TMEM150C: variants seen among roughly 807,000 people sequenced by gnomAD.
The protein encoded by TMEM150C is tentonin 3.
In TMEM150C, 10 loss-of-function variants were observed where a neutral mutation model predicts 29.9. That is an observed-to-expected ratio of 0.33 (90% CI 0.21 to 0.57). The LOEUF is 0.57. Ranked by LOEUF, TMEM150C falls within the 20% of genes least tolerant of loss-of-function variation. TMEM150C has a pLI of 0.88. For synonymous variants in TMEM150C, 101 were observed against 112.5 expected, an observed-to-expected ratio of 0.90 and a Z score of 0.64; for missense variants, 251 against 303.6, an observed-to-expected ratio of 0.83 and a Z score of 1.29.
chr4:82,517,661 G>C (rs1225296190), intron 1 of TMEM150C, among the ~76,000 whole-genome samples: 1 of 152,082 alleles, frequency 6.6e-6, no homozygotes, highest in African/African-American at 2.4e-5. Flanking sequence ...CTTCAGCTTC[G>C]GACTGAGAGT....
chr4:82,538,049 C>G (rs1725070548), intron 1 of TMEM150C, among the ~76,000 whole-genome samples: 1 of 152,172 alleles, frequency 6.6e-6, no homozygotes, highest in Non-Finnish European at 1.5e-5. Context: ...ATGTTCATCT[C>G]TGCATTATTT....
At chr4:82,498,786 TTATC>T (rs1723638547) in intron 5 of TMEM150C, among the ~76,000 whole-genome samples, 1 of 152,200 alleles carries the variant, frequency 6.6e-6, no homozygotes, top group Non-Finnish European at 1.5e-5. Context: ...GCTCTCTTCA[TTATC>T]TATTTCTGTC....
chr4:82,524,055 G>C (rs1321472926), intron 1 of TMEM150C, among the ~76,000 whole-genome samples: 1 of 148,488 alleles, frequency 6.7e-6, no homozygotes, highest in Non-Finnish European at 1.5e-5. Context: ...TCAGGAGATT[G>C]AGACCATCCT....
intron 1 of TMEM150C, among the ~76,000 whole-genome samples, chr4:82,521,238 A>G (rs571145798): frequency 1.4e-4 from 21 of 152,170 alleles, no homozygotes; most frequent in Non-Finnish European, 2.2e-4. Context: ...TTTTAATCCC[A>G]GACTTTCTTC....
intron 1 of TMEM150C, among the ~76,000 whole-genome samples, chr4:82,506,503 A>G (rs766451371): frequency 4.6e-5 from 7 of 152,238 alleles, no homozygotes; most frequent in Non-Finnish European, 8.8e-5. Context: ...ATTTGCAACT[A>G]ATCTAATCCA....
intron 1 of TMEM150C, among the ~76,000 whole-genome samples, chr4:82,513,590 C>G (rs1466646681): frequency 6.6e-6 from 1 of 151,912 alleles, no homozygotes; most frequent in Admixed American, 6.5e-5. Context: ...GTCACCTGAC[C>G]TAACTTGAAA....
intron 1 of TMEM150C, among the ~76,000 whole-genome samples, chr4:82,511,472 A>ATTTT (rs397935719): frequency 0.057 from 6,083 of 106,152 alleles, 349 homozygotes; most frequent in East Asian, 0.092. Context: ...TCCCAACACT[A>ATTTT]TTTTTTTTTT....
intron 1 of TMEM150C, among the ~76,000 whole-genome samples, chr4:82,559,998 C>A (rs1725869195): frequency 6.6e-6 from 1 of 152,184 alleles, no homozygotes; most frequent in African/African-American, 2.4e-5. Flanking sequence ...AGCAAAGGGC[C>A]TTCTCTCTTG....
intron 6 of TMEM150C, chr4:82,494,854 C>T: frequency 2.5e-6 from 1 of 403,858 alleles, no homozygotes; most frequent in Non-Finnish European, 4.8e-6. Flanking sequence ...TGACTAGATT[C>T]AGACTTAGAA....
chr4:82,519,286 C>A (rs1310011675), intron 1 of TMEM150C, among the ~76,000 whole-genome samples: 1 of 152,188 alleles, frequency 6.6e-6, no homozygotes, highest in Non-Finnish European at 1.5e-5. Context: ...GTTGCTTTAG[C>A]CCCATGGTGA....
chr4:82,537,308 AT>A (rs1560495831), intron 1 of TMEM150C, among the ~76,000 whole-genome samples: 1 of 152,216 alleles, frequency 6.6e-6, no homozygotes, highest in Non-Finnish European at 1.5e-5. Context: ...TATTAAAGAA[AT>A]TTTAAAATAA....
chr4:82,503,848 CAA>C (rs1029068757), intron 2 of TMEM150C, among the ~76,000 whole-genome samples: 1 of 140,228 alleles, frequency 7.1e-6, no homozygotes. Context: ...GACTCCGTCT[CAA>C]AAAAAAAACA....
At position 82,485,538 on chromosome 4, in the gene TMEM150C, A is replaced by C; in HGVS notation, c.723T>G (p.Ala241=). The C allele has an allele frequency of 6.2e-7, 1 of 1,606,242 alleles. No homozygotes were observed. The highest frequency in any genetic ancestry group is 8.5e-7 in the Non-Finnish European group (1 of 1,176,292). The part of the protein sequence containing the change: ...FLSFSESLSE[A]SEYQTDQV ...ACACCTGGTCAGTCTGATATTCAGAAGCTTCTGACAGGCTTTCTGAGAAGC... is the reference window on the plus strand; with the variant it reads ...ACACCTGGTCAGTCTGATATTCAGACGCTTCTGACAGGCTTTCTGAGAAGC... The change falls in exon 8 of 8, where the codon GCT becomes GCG. Residue 241 remains alanine (A), a synonymous_variant. Coordinates refer to ENST00000449862, the MANE Select transcript of TMEM150C (RefSeq NM_001080506.3).
At chr4:82,513,005 G>A (rs913191797) in intron 1 of TMEM150C, among the ~76,000 whole-genome samples, 7 of 152,304 alleles carry the variant, frequency 4.6e-5, no homozygotes, top group African/African-American at 1.7e-4. Context: ...GCAGCTGTGG[G>A]TGCAGCTTCA....
chr4:82,530,067 C>G (rs1446586823), intron 1 of TMEM150C, among the ~76,000 whole-genome samples: 1 of 150,882 alleles, frequency 6.6e-6, no homozygotes, highest in East Asian at 2.0e-4. Context: ...TTGGATCATG[C>G]CTTTTGCTCT....
intron 1 of TMEM150C, among the ~76,000 whole-genome samples, chr4:82,524,408 GAC>G (rs928543564): frequency 5.3e-5 from 8 of 152,206 alleles, no homozygotes; most frequent in Non-Finnish European, 8.8e-5. Flanking sequence ...TAAAAAGAGA[GAC>G]ATGTGTCTTG....
chr4:82,546,822 G>A (rs1725401848), intron 1 of TMEM150C, among the ~76,000 whole-genome samples: 2 of 152,002 alleles, frequency 1.3e-5, no homozygotes, highest in South Asian at 4.2e-4. Context: ...GTGAGACTCT[G>A]TCTCAAAAAT....
intron 6 of TMEM150C, 73 bp from the exon 7 acceptor site, chr4:82,490,311 A>T: frequency 9.2e-6 from 12 of 1,303,626 alleles, no homozygotes; most frequent in Non-Finnish European, 9.8e-6. Context: ...AGGAATGAAT[A>T]TATGAGGGGA....
chr4:82,486,335 TAAAAAAA>T (rs527967958), intron 7 of TMEM150C, among the ~76,000 whole-genome samples: 95 of 51,304 alleles, frequency 1.9e-3, no homozygotes, highest in Admixed American at 8.3e-3. Flanking sequence ...GACTCCATCT[TAAAAAAA>T]AAAAAAAAAA....
Sources: gnomAD v4.1 joint callset for allele counts (sites outside exome capture counted in the v4.1 genomes callset) on GRCh38, gnomAD v4.1.1 for gene constraint, MANE v1.5 for transcripts, NCBI Gene and HGNC (gene_info 2026-07-23, HGNC 2026-07-21) for gene names.